CDR2: variants seen among roughly 807,000 people sequenced by gnomAD.
The protein encoded by CDR2 is cerebellar degeneration-related protein 2.
CDR2 carries 34 observed loss-of-function variants against 48.4 expected under a neutral mutation model. That is an observed-to-expected ratio of 0.70 (90% confidence interval 0.53 to 0.94). The LOEUF (loss-of-function observed/expected upper bound fraction) is 0.94, where lower values mean the gene tolerates loss of function less well. CDR2 is among the 40% of genes least tolerant of loss of function. CDR2 has a pLI of 0.00. For synonymous variants in CDR2, 240 were observed against 219.7 expected, an observed-to-expected ratio of 1.09 and a Z score of -0.82; for missense variants, 498 against 549.5, an observed-to-expected ratio of 0.91 and a Z score of 0.94.
chr16:22,366,411 A>G (rs1368320462), intron 1 of CDR2, among the ~76,000 whole-genome samples: 1 of 152,220 alleles, frequency 6.6e-6, no homozygotes, highest in African/African-American at 2.4e-5. Flanking sequence ...AGAAAAAAAT[A>G]AAGCAAGGAA....
chr16:22,355,187 A>G, intron 2 of CDR2, among the ~76,000 whole-genome samples: 1 of 152,250 alleles, frequency 6.6e-6, no homozygotes, highest in East Asian at 1.9e-4. Flanking sequence ...ACGTTTCAGC[A>G]TTAATATTTT....
chr16:22,370,482 A>G (rs2049068675), intron 1 of CDR2, among the ~76,000 whole-genome samples: 1 of 152,192 alleles, frequency 6.6e-6, no homozygotes, highest in African/African-American at 2.4e-5. Context: ...CCAAATGACA[A>G]TAGCAGCTGG....
chr16:22,354,616 G>T (rs2048961308), intron 2 of CDR2, among the ~76,000 whole-genome samples: 1 of 152,090 alleles, frequency 6.6e-6, no homozygotes, highest in Non-Finnish European at 1.5e-5. Flanking sequence ...GACCAGGTGT[G>T]GTGGCTCATG....
intron 1 of CDR2, among the ~76,000 whole-genome samples, chr16:22,370,515 G>A (rs1008856068): frequency 1.3e-5 from 2 of 152,140 alleles, no homozygotes; most frequent in African/African-American, 4.8e-5. Context: ...TCCAGTCTCT[G>A]AAGTCTTTCC....
rs1200307347 is a variant in CDR2, at chr16:22,374,466, G to A, written c.-157C>T. ...GCTGCGCCGCCTCAGCCCCGTTCCC[G>A]CCGGCGGCCGCCGACCGGCCGGCTG... On this transcript the variant is annotated 5_prime_UTR_variant, in exon 1 of 5. Transcript: ENST00000268383. The A allele has an allele frequency of 2.5e-5, 7 of 275,676 alleles. No homozygotes were observed. The highest frequency in any genetic ancestry group is 4.6e-5 in the Non-Finnish European group (7 of 150,702). 17.1% of individuals were successfully genotyped at this position (275,676 alleles called of 1,614,324 possible). A position where few individuals can be genotyped will look rare whatever the true frequency, so the allele number is the denominator to read the frequency against.
At position 22,346,672 on chromosome 16, in the gene CDR2, C is replaced by T. The variant is rs1035345577; in HGVS notation, c.*293G>A. On this transcript the variant is annotated 3_prime_UTR_variant, in exon 5 of 5. Coordinates refer to ENST00000268383, the MANE Select transcript of CDR2 (RefSeq NM_001802.2). ...CTGTAGTAACTCCAGGCCTACTTCT[C>T]CAGAAGTATAGCTCTTCCCTCCACT... 2.1e-5 allele frequency: 8 copies of T among 381,194 alleles called. No homozygotes were observed. The highest frequency in any genetic ancestry group is 3.8e-5 in the Non-Finnish European group (8 of 210,112). 23.6% of individuals were successfully genotyped at this position (381,194 alleles called of 1,614,324 possible).
intron 1 of CDR2, among the ~76,000 whole-genome samples, chr16:22,371,755 T>A (rs1216736997): frequency 1.3e-5 from 2 of 152,186 alleles, no homozygotes; most frequent in East Asian, 3.8e-4. Flanking sequence ...TATAGTTGGT[T>A]ATGACACAGA....
intron 1 of CDR2, among the ~76,000 whole-genome samples, chr16:22,366,243 A>C (rs2049044034): frequency 6.6e-6 from 1 of 152,202 alleles, no homozygotes; most frequent in East Asian, 1.9e-4. Flanking sequence ...TCATGCATGC[A>C]TGCATATACT....
intron 1 of CDR2, among the ~76,000 whole-genome samples, chr16:22,371,406 G>A (rs1235557726): frequency 2.0e-5 from 3 of 152,160 alleles, no homozygotes; most frequent in Non-Finnish European, 4.4e-5. Flanking sequence ...AATGTACGAG[G>A]CGCTGTAGTG....
At position 22,367,696 on chromosome 16, in the gene CDR2, T is replaced by C. The variant is rs992945784; in HGVS notation, c.80-2682A>G. On this transcript the variant is annotated intron_variant, in intron 1 of 4. Coordinates refer to ENST00000268383, the MANE Select transcript of CDR2 (RefSeq NM_001802.2). ...ATAGTAAAACTTAGCATTGAGTAAA[T>C]GGTAACAACAGCATTAGTTGTTGTA... 3.9e-5 allele frequency among the ~76,000 whole-genome samples: 6 copies of C among 152,176 alleles called. 1 individual carries two copies. The highest frequency in any genetic ancestry group is 2.0e-4 in the Admixed American group (3 of 15,272).
intron 2 of CDR2, among the ~76,000 whole-genome samples, chr16:22,357,906 G>A (rs900536052): frequency 6.6e-6 from 1 of 152,192 alleles, no homozygotes; most frequent in Non-Finnish European, 1.5e-5. Context: ...AGATGACTTG[G>A]CTTTAACAAC....
chr16:22,347,150 C>CAACA lies in CDR2; in HGVS notation c.1179_1180insTGTT (p.Ala394CysfsTer5). On this transcript the variant is annotated frameshift_variant, in exon 5 of 5. Transcript: ENST00000268383. LOFTEE classifies it high-confidence loss of function. ...CCGCTGGCAACAGGCTCAGACTGGG[C>CAACA]GTTCACTCCAGTCAGGTCCTTGGCT... The CAACA allele has an allele frequency of 6.2e-7, 1 of 1,614,194 alleles. No individual in the cohort carries two copies. Among genetic ancestry groups the CAACA allele is most frequent in the Non-Finnish European group, 8.5e-7 (1 of 1,179,988 alleles).
chr16:22,364,001 C>T (rs959806426), intron 2 of CDR2, among the ~76,000 whole-genome samples: 8 of 152,170 alleles, frequency 5.3e-5, no homozygotes, highest in South Asian at 2.1e-4. Context: ...TACAGTGGCA[C>T]GGTCTTGGCT....
At chr16:22,349,148 G>T in intron 4 of CDR2, 131 bp downstream of exon 4, 1 of 902,820 alleles carries the variant, frequency 1.1e-6, no homozygotes, top group Non-Finnish European at 1.7e-6. Flanking sequence ...AAGTGATTTT[G>T]TTCAAACCAA....
At chr16:22,367,637 A>G (rs1315590140) in intron 1 of CDR2, among the ~76,000 whole-genome samples, 1 of 152,236 alleles carries the variant, frequency 6.6e-6, no homozygotes, top group Non-Finnish European at 1.5e-5. Flanking sequence ...TTAGAGGTTG[A>G]CAAATAAGGC....
At chr16:22,370,228 G>A (rs1419376097) in intron 1 of CDR2, among the ~76,000 whole-genome samples, 4 of 152,178 alleles carry the variant, frequency 2.6e-5, no homozygotes, top group Non-Finnish European at 5.9e-5. Flanking sequence ...GTCATTTAGT[G>A]ATGCTTCTGT....
rs1289750293 is a variant in CDR2 at position 22,370,959 on chromosome 16, T to TC, written c.79+3271dup. 5.3e-5 allele frequency among the ~76,000 whole-genome samples: 8 copies of TC among 152,312 alleles called. No homozygotes were observed. The East Asian group carries it at 1.5e-3, about 29-fold the overall frequency. The stretch of plus-strand genomic sequence containing the variant: ...CAGGTGCGGTGGTTCACGCCTGTAA[T>TC]CCCAGCACTTTGGGAGGCCGAGGCG... On this transcript the variant is annotated intron_variant, in intron 1 of 4. Coordinates refer to ENST00000268383, the MANE Select transcript of CDR2 (RefSeq NM_001802.2).
chr16:22,374,095 C>CCG, intron 1 of CDR2, 136 bp downstream of exon 1: 1 of 559,044 alleles, frequency 1.8e-6, no homozygotes, highest in Non-Finnish European at 3.1e-6. Context: ...CACGGCCGGC[C>CCG]CAGCCGCCAG....
At position 22,364,962 on chromosome 16, in the gene CDR2, C is replaced by T. The variant is rs776669556; in HGVS notation, c.132G>A (p.Glu44=). Residue 44 remains glutamate (E), a synonymous_variant, in exon 2 of 5, where the codon GAG becomes GAA. Transcript: ENST00000268383. ...ACATCTGCTGAACAGAGTCCTCCAACTCTGTGTTCCGATCCAGTAATGTCT... is the reference window on the plus strand; with the variant it reads ...ACATCTGCTGAACAGAGTCCTCCAATTCTGTGTTCCGATCCAGTAATGTCT... The part of the protein sequence containing the change: ...LGKTLLDRNT[E]LEDSVQQMYT... 6.2e-7 allele frequency: 1 copy of T among 1,613,928 alleles called. No individual in the cohort carries two copies. Among genetic ancestry groups the T allele is most frequent in the South Asian group, 1.1e-5 (1 of 91,084 alleles).
Sources: gnomAD v4.1 joint callset for allele counts (sites outside exome capture counted in the v4.1 genomes callset) on GRCh38, gnomAD v4.1.1 for gene constraint, MANE v1.5 for transcripts, NCBI Gene and HGNC (gene_info 2026-07-23, HGNC 2026-07-21) for gene names.